JAKMIP2: variants seen among roughly 807,000 people sequenced by gnomAD.
JAKMIP2 encodes janus kinase and microtubule interacting protein 2.
JAKMIP2 carries 25 observed loss-of-function variants against 115.0 expected under a neutral mutation model. The ratio of observed to expected loss-of-function variants is 0.22; its 90% CI spans 0.16 to 0.30. The LOEUF (loss-of-function observed/expected upper bound fraction) is 0.30. Ranked by LOEUF, JAKMIP2 falls within the 10% of genes least tolerant of loss-of-function variation. The pLI is 1.00. For synonymous variants in JAKMIP2, 334 were observed against 343.6 expected, an observed-to-expected ratio of 0.97 and a Z score of 0.31; for missense variants, 642 against 957.6, an observed-to-expected ratio of 0.67 and a Z score of 4.35.
intron 1 of JAKMIP2, among the ~76,000 whole-genome samples, chr5:147,720,521 C>A (rs1468491227): frequency 4.0e-5 from 6 of 148,952 alleles, no homozygotes; most frequent in Admixed American, 3.4e-4. Context: ...CACATAGTCC[C>A]ATATTTCTTG....
At chr5:147,695,324 A>G (rs1752054845) in intron 1 of JAKMIP2, among the ~76,000 whole-genome samples, 2 of 152,266 alleles carry the variant, frequency 1.3e-5, no homozygotes, top group South Asian at 4.1e-4. Flanking sequence ...TTCCACAACT[A>G]CCTCTAAGGT....
At chr5:147,688,088 A>G (rs1760657949) in intron 1 of JAKMIP2, among the ~76,000 whole-genome samples, 1 of 152,174 alleles carries the variant, frequency 6.6e-6, no homozygotes. Context: ...ACTCTTTTTC[A>G]TATCTATTAT....
At chr5:147,706,326 G>A (rs998092130) in intron 1 of JAKMIP2, among the ~76,000 whole-genome samples, 2 of 152,016 alleles carry the variant, frequency 1.3e-5, no homozygotes, top group Non-Finnish European at 2.9e-5. Flanking sequence ...TTCTAACAAC[G>A]TGTTGACCAG....
At position 147,671,844 on chromosome 5, in the gene JAKMIP2, C is replaced by G. The variant is rs1202578959; in HGVS notation, c.-38G>C. 6.6e-7 allele frequency: 1 copy of G among 1,504,990 alleles called. No individual in the cohort carries two copies. The highest frequency in any genetic ancestry group is 2.1e-5 in the Admixed American group (1 of 48,584). 93.2% of individuals were successfully genotyped at this position (1,504,990 alleles called of 1,614,324 possible). On this transcript the variant is annotated 5_prime_UTR_variant, in exon 2 of 22. Coordinates refer to ENST00000616793, the MANE Select transcript of JAKMIP2 (RefSeq NM_001270941.2). ...AATGGAGTCTGTTGGTTTTTAATTT[C>G]TTTCAAGCAGGTGCTGCCATGTTAC...
intron 14 of JAKMIP2, 72 bp from the exon 15 acceptor site, chr5:147,629,818 G>GT (rs1757275258): frequency 8.4e-7 from 1 of 1,189,554 alleles, no homozygotes; most frequent in Non-Finnish European, 1.2e-6. Flanking sequence ...TGAACATGAA[G>GT]TTAGAGGAAG....
intron 1 of JAKMIP2, among the ~76,000 whole-genome samples, chr5:147,707,842 G>A (rs768375026): frequency 6.6e-6 from 1 of 152,094 alleles, no homozygotes; most frequent in Non-Finnish European, 1.5e-5. Flanking sequence ...GGAGATTAGG[G>A]AGGAGTCATG....
chr5:147,656,151 G>A (rs1394777072), intron 3 of JAKMIP2, among the ~76,000 whole-genome samples: 1 of 152,222 alleles, frequency 6.6e-6, no homozygotes, highest in African/African-American at 2.4e-5. Context: ...CATGTGGCAT[G>A]AGAATAATGT....
intron 1 of JAKMIP2, among the ~76,000 whole-genome samples, chr5:147,673,837 C>CT (rs1287361882): frequency 6.7e-6 from 1 of 149,266 alleles, no homozygotes; most frequent in African/African-American, 2.5e-5. Context: ...ATATATATAT[C>CT]TATCTAACAG....
rs1459744037 is a variant in JAKMIP2 at position 147,690,580 on chromosome 5, T to C, written c.-148-18626A>G. ...ATATATATATATATATATATATATATATATGCACATATGCACACACATCTA... is the reference window on the plus strand; with the variant it reads ...ATATATATATATATATATATATATACATATGCACATATGCACACACATCTA... On this transcript the variant is annotated intron_variant, in intron 1 of 21. Coordinates refer to ENST00000616793, the MANE Select transcript of JAKMIP2 (RefSeq NM_001270941.2). Among the ~76,000 whole-genome samples, 102 of 108,354 alleles carry C rather than the reference T, an allele frequency of 9.4e-4. 1 individual carries two copies. Among genetic ancestry groups the C allele is most frequent in the African/African-American group, 3.3e-3 (98 of 29,758 alleles). 71.1% of individuals were successfully genotyped at this position (108,354 alleles called of 152,430 possible). A position where few individuals can be genotyped will look rare whatever the true frequency, so the allele number is the denominator to read the frequency against.
At chr5:147,671,539 A>G in intron 2 of JAKMIP2, 139 bp downstream of exon 2, 1 of 554,490 alleles carries the variant, frequency 1.8e-6, no homozygotes, top group Non-Finnish European at 2.8e-6. Context: ...TAAGCTCTCC[A>G]TGTTTACAGG....
intron 1 of JAKMIP2, 87 bp from the exon 2 acceptor site, chr5:147,672,041 T>A: frequency 1.0e-6 from 1 of 962,956 alleles, no homozygotes; most frequent in Non-Finnish European, 1.3e-6. Flanking sequence ...GAGTTACCTG[T>A]AAGAGCCTCC....
chr5:147,682,666 A>C (rs1364163858), intron 1 of JAKMIP2, among the ~76,000 whole-genome samples: 1 of 152,242 alleles, frequency 6.6e-6, no homozygotes, highest in Admixed American at 6.5e-5. Flanking sequence ...ACTGAGATTG[A>C]ATGACATATT....
intron 1 of JAKMIP2, among the ~76,000 whole-genome samples, chr5:147,767,496 T>A (rs2127066440): frequency 6.6e-6 from 1 of 152,230 alleles, no homozygotes; most frequent in South Asian, 2.1e-4. Flanking sequence ...AATACCAAGG[T>A]TGGAGTACTG....
At chr5:147,601,556 T>C (rs1207458828) in intron 21 of JAKMIP2, among the ~76,000 whole-genome samples, 185 bp downstream of exon 21, 6 of 152,096 alleles carry the variant, frequency 3.9e-5, no homozygotes, top group Non-Finnish European at 8.8e-5. Context: ...AATGATCTGA[T>C]TGTGCCACTG....
intron 1 of JAKMIP2, among the ~76,000 whole-genome samples, chr5:147,687,939 C>T (rs1426326554): frequency 6.6e-6 from 1 of 152,052 alleles, no homozygotes; most frequent in Non-Finnish European, 1.5e-5. Flanking sequence ...TGCGTAGGAC[C>T]CATTCATTGA....
At chr5:147,605,069 T>C (rs1755927076) in intron 20 of JAKMIP2, among the ~76,000 whole-genome samples, 1 of 151,904 alleles carries the variant, frequency 6.6e-6, no homozygotes, top group Non-Finnish European at 1.5e-5. Flanking sequence ...AGTGAGAACA[T>C]GCAGTGTTTG....
rs950282083 is a variant in JAKMIP2 at position 147,640,598 on chromosome 5, G to A, written c.1401+106C>T. On this transcript the variant is annotated intron_variant, in intron 9 of 21. Transcript: ENST00000616793. Reference sequence around the variant, plus strand: ...TTGTTTACTATTATGAGATCACTTTGTGCTGTTTATATAAAGGAGATGAAA... The same window carrying A: ...TTGTTTACTATTATGAGATCACTTTATGCTGTTTATATAAAGGAGATGAAA... 34 of 1,178,662 alleles carry A rather than the reference G, an allele frequency of 2.9e-5. No individual in the cohort carries two copies. In the African/African-American group the frequency reaches 3.4e-4, roughly 12 times the overall value. The allele number at this position is 1,178,662 out of a possible 1,614,324, so 73.0% of individuals were successfully genotyped here.
intron 21 of JAKMIP2, among the ~76,000 whole-genome samples, 168 bp from the exon 22 acceptor site, chr5:147,591,854 G>A (rs1469176016): frequency 6.6e-6 from 1 of 152,066 alleles, no homozygotes; most frequent in African/African-American, 2.4e-5. Flanking sequence ...AATTTTAAGG[G>A]AGAAAATAGA....
chr5:147,742,155 A>T (rs56360576), intron 1 of JAKMIP2, among the ~76,000 whole-genome samples: 16,210 of 108,796 alleles, frequency 0.15, 2,156 homozygotes, highest in African/African-American at 0.18. Context: ...ATATATATAT[A>T]TTTTTTTTAC....
Sources: gnomAD v4.1 joint callset for allele counts (sites outside exome capture counted in the v4.1 genomes callset) on GRCh38, gnomAD v4.1.1 for gene constraint, MANE v1.5 for transcripts, NCBI Gene and HGNC (gene_info 2026-07-23, HGNC 2026-07-21) for gene names.